FBXO11: variants seen among roughly 807,000 people sequenced by gnomAD.
FBXO11 encodes the protein F-box only protein 11.
Under a neutral mutation model 117.0 loss-of-function variants are expected in FBXO11, and 13 were observed. That is an observed-to-expected ratio of 0.11 (90% CI 0.07 to 0.18). FBXO11 has a LOEUF of 0.18. Among genes scored for constraint, FBXO11 ranks in the 10% least tolerant of loss-of-function variants. The pLI, the probability that FBXO11 is intolerant of heterozygous loss-of-function variation, is 1.00. For missense variants in FBXO11, 767 were observed against 1,164.4 expected (o/e 0.66, Z 4.97); for synonymous variants, 490 against 380.5 (o/e 1.29, Z -3.35).
intron 1 of FBXO11, among the ~76,000 whole-genome samples, chr2:47,884,588 T>C (rs1676674441): frequency 6.6e-6 from 1 of 152,218 alleles, no homozygotes; most frequent in Non-Finnish European, 1.5e-5. Context: ...ATTCGGAAAG[T>C]ATGATTATTA....
chr2:47,851,683 C>T (rs1466098745), intron 1 of FBXO11, among the ~76,000 whole-genome samples: 1 of 152,152 alleles, frequency 6.6e-6, no homozygotes, highest in African/African-American at 2.4e-5. Context: ...TAAAACAGGA[C>T]ACACAAATCG....
At chr2:47,871,339 G>C (rs1185823671) in intron 1 of FBXO11, among the ~76,000 whole-genome samples, 4 of 152,190 alleles carry the variant, frequency 2.6e-5, no homozygotes, top group Admixed American at 6.5e-5. Flanking sequence ...ACAGCTACGT[G>C]AATGAGACAT....
intron 1 of FBXO11, among the ~76,000 whole-genome samples, chr2:47,845,254 A>C (rs1673317570): frequency 6.6e-6 from 1 of 151,112 alleles, no homozygotes; most frequent in Non-Finnish European, 1.5e-5. Context: ...GGTGCTAATT[A>C]ATTCATTTGC....
chr2:47,846,509 C>A (rs989923216), intron 1 of FBXO11, among the ~76,000 whole-genome samples: 9 of 151,950 alleles, frequency 5.9e-5, no homozygotes, highest in African/African-American at 2.2e-4. Flanking sequence ...ATTTTTATAT[C>A]TAATAGAATA....
At chr2:47,880,736 T>C (rs541558046) in intron 1 of FBXO11, among the ~76,000 whole-genome samples, 5 of 152,342 alleles carry the variant, frequency 3.3e-5, no homozygotes, top group African/African-American at 1.2e-4. Flanking sequence ...TATTGTTTTT[T>C]AGTATGAACT....
intron 1 of FBXO11, among the ~76,000 whole-genome samples, chr2:47,855,011 G>A (rs1465019695): frequency 6.6e-6 from 1 of 152,014 alleles, no homozygotes; most frequent in East Asian, 1.9e-4. Flanking sequence ...TTAGAAAAAG[G>A]CCTGGATTAG....
At chr2:47,843,756 T>C (rs967582888) in intron 1 of FBXO11, among the ~76,000 whole-genome samples, 10 of 148,890 alleles carry the variant, frequency 6.7e-5, no homozygotes, top group African/African-American at 1.3e-4. Flanking sequence ...TCTTCTTCTT[T>C]TTTGAGATGA....
chr2:47,825,727 G>A lies in FBXO11; in HGVS notation c.1399-2367C>T, dbSNP rs138711817. The stretch of plus-strand genomic sequence containing the variant: ...AAGTAGCTGAGACCACGGGTGCATG[G>A]CACCAAGCCTGGCCAATTTTTGTGT... On this transcript the variant is annotated intron_variant, in intron 11 of 22. Coordinates refer to ENST00000403359, the MANE Select transcript of FBXO11 (RefSeq NM_001190274.2). 4.4e-4 allele frequency among the ~76,000 whole-genome samples: 67 copies of A among 152,028 alleles called. No individual in the cohort carries two copies. In the East Asian group the frequency reaches 0.013, roughly 29 times the overall value.
chr2:47,819,880 G>T (rs554272668), intron 14 of FBXO11, among the ~76,000 whole-genome samples: 12 of 152,202 alleles, frequency 7.9e-5, no homozygotes, highest in African/African-American at 2.9e-4. Context: ...TTTCTTACTT[G>T]AATCAGTTGC....
At chr2:47,886,599 T>C (rs1004264637) in intron 1 of FBXO11, among the ~76,000 whole-genome samples, 3 of 152,108 alleles carry the variant, frequency 2.0e-5, no homozygotes, top group Non-Finnish European at 4.4e-5. Flanking sequence ...TTTAATAGCA[T>C]ACAAGAATTT....
At chr2:47,815,765 G>A (rs748447053) in intron 16 of FBXO11, among the ~76,000 whole-genome samples, 2 of 152,192 alleles carry the variant, frequency 1.3e-5, no homozygotes, top group South Asian at 2.1e-4. Context: ...TAAGGTTAGC[G>A]AGAGTTAGAA....
At chr2:47,809,483 T>A in intron 20 of FBXO11, 117 bp downstream of exon 20, 1 of 783,944 alleles carries the variant, frequency 1.3e-6, no homozygotes, top group Non-Finnish European at 2.0e-6. Context: ...TTTCAAAATC[T>A]ATCTTAAACT....
chr2:47,818,057 G>T (rs1403467955), intron 16 of FBXO11, among the ~76,000 whole-genome samples: 1 of 152,194 alleles, frequency 6.6e-6, no homozygotes, highest in African/African-American at 2.4e-5. Context: ...TGAGGTTGCG[G>T]TGAGCCGAGA....
intron 16 of FBXO11, among the ~76,000 whole-genome samples, chr2:47,816,363 C>T (rs1398033883): frequency 6.6e-6 from 1 of 152,024 alleles, no homozygotes; most frequent in Non-Finnish European, 1.5e-5. Context: ...CTATTTTTTA[C>T]AGAGACAGGG....
At chr2:47,894,611 T>G (rs745439242) in intron 1 of FBXO11, among the ~76,000 whole-genome samples, 1 of 152,108 alleles carries the variant, frequency 6.6e-6, no homozygotes, top group Non-Finnish European at 1.5e-5. Flanking sequence ...CCTACAATCT[T>G]TGAGGGGAAA....
intron 1 of FBXO11, among the ~76,000 whole-genome samples, chr2:47,848,289 G>A (rs1299181609): frequency 6.6e-6 from 1 of 152,224 alleles, no homozygotes; most frequent in Admixed American, 6.5e-5. Flanking sequence ...AATACTGCCT[G>A]AGCTCCGCCT....
chr2:47,859,511 G>A (rs1674589407), intron 1 of FBXO11, among the ~76,000 whole-genome samples: 1 of 152,188 alleles, frequency 6.6e-6, no homozygotes, highest in Admixed American at 6.5e-5. Context: ...GGCTCTAGAT[G>A]ATTTACATAC....
chr2:47,859,891 G>A (rs1674618659), intron 1 of FBXO11, among the ~76,000 whole-genome samples: 3 of 152,072 alleles, frequency 2.0e-5, no homozygotes, highest in South Asian at 4.1e-4. Flanking sequence ...TCAGTACCAA[G>A]CTATTTTCTA....
intron 1 of FBXO11, among the ~76,000 whole-genome samples, chr2:47,880,975 C>T (rs1324679219): frequency 2.0e-5 from 3 of 152,222 alleles, no homozygotes; most frequent in East Asian, 3.9e-4. Flanking sequence ...CATGTTTGGG[C>T]CGGGCATGGT....
Sources: gnomAD v4.1 joint callset for allele counts (sites outside exome capture counted in the v4.1 genomes callset) on GRCh38, gnomAD v4.1.1 for gene constraint, MANE v1.5 for transcripts, NCBI Gene and HGNC (gene_info 2026-07-23, HGNC 2026-07-21) for gene names.